Variants in ARRB1 observed in about 807,000 individuals in gnomAD.
ARRB1 encodes the protein arrestin beta 1.
A neutral mutation model predicts 56.8 loss-of-function variants in ARRB1; 21 were observed. The ratio of observed to expected loss-of-function variants is 0.37; its 90% CI spans 0.26 to 0.53. The LOEUF (loss-of-function observed/expected upper bound fraction) is 0.53, where lower values mean the gene tolerates loss of function less well. Ranked by LOEUF, ARRB1 falls within the 20% of genes least tolerant of loss-of-function variation. ARRB1 has a pLI of 0.88. For synonymous variants in ARRB1, 210 were observed against 218.6 expected, an observed-to-expected ratio of 0.96 and a Z score of 0.35; for missense variants, 424 against 553.7, an observed-to-expected ratio of 0.77 and a Z score of 2.35.
In ARRB1 at chr11:75,266,116, G is replaced by C; in HGVS notation, c.*47C>G. The C allele has an allele frequency of 7.0e-7, 1 of 1,422,792 alleles. No individual in the cohort carries two copies. Among genetic ancestry groups the C allele is most frequent in the Non-Finnish European group, 9.9e-7 (1 of 1,006,016 alleles). 88.1% of individuals were successfully genotyped at this position (1,422,792 alleles called of 1,614,324 possible). A position where few individuals can be genotyped will look rare whatever the true frequency, so the allele number is the denominator to read the frequency against. ...AGGAAGAAGACGAGTAAGCATCCGA[G>C]TGCACGAGAGTGGAGCCGGAGCCAC... On this transcript the variant is annotated 3_prime_UTR_variant, in exon 16 of 16. Coordinates refer to ENST00000420843, the MANE Select transcript of ARRB1 (RefSeq NM_004041.5).
chr11:75,315,051 T>TCCA (rs993391371), intron 1 of ARRB1, among the ~76,000 whole-genome samples: 9 of 152,156 alleles, frequency 5.9e-5, no homozygotes, highest in East Asian at 1.9e-4. Flanking sequence ...TAGTGCTGCT[T>TCCA]CCACCACCAC....
intron 1 of ARRB1, among the ~76,000 whole-genome samples, chr11:75,351,229 C>A (rs568790790): frequency 6.6e-6 from 1 of 152,310 alleles, no homozygotes; most frequent in Admixed American, 6.5e-5. Flanking sequence ...CGTGTGCTAG[C>A]GGTTGCCAGT....
chr11:75,333,797 C>A (rs937084153), intron 1 of ARRB1, among the ~76,000 whole-genome samples: 4 of 152,214 alleles, frequency 2.6e-5, no homozygotes, highest in African/African-American at 9.6e-5. Context: ...AAGCCCTCCC[C>A]ACAGCCACCT....
Position 75,268,918 on chromosome 11 carries a change from T to C in ARRB1, c.1064A>G (p.Lys355Arg), listed in dbSNP as rs1471195394. Residue 355 changes from lysine to arginine, a missense_variant, in exon 14 of 16, where the codon AAG becomes AGG. By Grantham distance (26) the Lys-to-Arg change is conservative. Around this residue, in one of 3 missense-constraint regions of ARRB1, gnomAD observed 121 missense variants for 147.3 expected, o/e 0.82. Transcript: ENST00000420843. The part of the protein sequence containing the change: ...VELPFTLMHP[K>R]PKEEPPHREV... Reference sequence around the variant, plus strand: ...CCGATGCGGGGGTTCCTCTTTGGGCTTGGGGTGCATTAGGGTGAAGGGCAG... The same window carrying C: ...CCGATGCGGGGGTTCCTCTTTGGGCCTGGGGTGCATTAGGGTGAAGGGCAG... The C allele has an allele frequency of 6.2e-7, 1 of 1,610,634 alleles. No homozygotes were observed. The highest frequency in any genetic ancestry group is 8.5e-7 in the Non-Finnish European group (1 of 1,179,148).
chr11:75,284,181 C>T (rs532317089), intron 4 of ARRB1, 54 bp downstream of exon 4: 13 of 1,547,690 alleles, frequency 8.4e-6, no homozygotes, highest in South Asian at 3.6e-5. Context: ...GCTAGAGGTC[C>T]GGGGGGAAGA....
chr11:75,267,335 G>A (rs934136840), intron 15 of ARRB1, among the ~76,000 whole-genome samples: 1 of 152,140 alleles, frequency 6.6e-6, no homozygotes, highest in Admixed American at 6.5e-5. Context: ...CAGGAGAGCC[G>A]AGCCCAGGGC....
chr11:75,334,701 T>C (rs958304499), intron 1 of ARRB1, among the ~76,000 whole-genome samples: 25 of 152,232 alleles, frequency 1.6e-4, no homozygotes, highest in African/African-American at 4.1e-4. Context: ...CTAATTTACA[T>C]GGCAAGTGAA....
chr11:75,319,354 C>A (rs1226355938), intron 1 of ARRB1, among the ~76,000 whole-genome samples: 2 of 152,228 alleles, frequency 1.3e-5, no homozygotes, highest in East Asian at 3.9e-4. Context: ...GGGCCAATCA[C>A]TGGTGCCACT....
intron 1 of ARRB1, among the ~76,000 whole-genome samples, chr11:75,323,768 C>T (rs1332021694): frequency 6.6e-6 from 1 of 152,118 alleles, no homozygotes; most frequent in African/African-American, 2.4e-5. Flanking sequence ...GACCTCTGAG[C>T]CACCCAGGGT....
At position 75,283,380 on chromosome 11, in the gene ARRB1, G is replaced by C; in HGVS notation, c.261C>G (p.Phe87Leu). The C allele has an allele frequency of 6.2e-7, 1 of 1,614,170 alleles. No individual in the cohort carries two copies. Among genetic ancestry groups the C allele is most frequent in the Non-Finnish European group, 8.5e-7 (1 of 1,180,008 alleles). The change falls in exon 5 of 16, where the codon TTC (phenylalanine) becomes TTG (leucine). Residue 87 changes from phenylalanine to leucine, a missense_variant. Around this residue, in one of 3 missense-constraint regions of ARRB1, gnomAD observed 301 missense variants for 387.9 expected, o/e 0.78. Coordinates refer to ENST00000420843, the MANE Select transcript of ARRB1 (RefSeq NM_004041.5). The part of the protein sequence containing the change: ...KDLFVANVQS[F>L]PPAPEDKKPL... Reference sequence around the variant, plus strand: ...GCTTCTTGTCCTCGGGGGCCGGTGGGAACGACTGTACGTTGGCCACAAACA... The same window carrying C: ...GCTTCTTGTCCTCGGGGGCCGGTGGCAACGACTGTACGTTGGCCACAAACA...
intron 1 of ARRB1, among the ~76,000 whole-genome samples, chr11:75,320,046 C>T (rs1281806902): frequency 1.3e-5 from 2 of 152,148 alleles, no homozygotes; most frequent in Non-Finnish European, 2.9e-5. Context: ...GACCAAAGTC[C>T]CCCCCAGAGC....
intron 6 of ARRB1, 96 bp from the exon 7 acceptor site, chr11:75,281,238 A>G: frequency 8.4e-7 from 1 of 1,190,310 alleles, no homozygotes; most frequent in South Asian, 1.3e-5. Context: ...AGGACACTGG[A>G]CAGGAACACC....
intron 1 of ARRB1, among the ~76,000 whole-genome samples, chr11:75,298,773 GAA>G (rs113880482): frequency 0.068 from 9,965 of 146,038 alleles, 1,086 homozygotes; most frequent in African/African-American, 0.23. Flanking sequence ...CAAAAAGAGT[GAA>G]AAAAAAAATC....
chr11:75,274,004 G>T, intron 11 of ARRB1, 70 bp downstream of exon 11: 1 of 1,604,498 alleles, frequency 6.2e-7, no homozygotes, highest in Non-Finnish European at 8.5e-7. Flanking sequence ...GAACTGGGGG[G>T]ACCAAGGAGG....
At position 75,283,468 on chromosome 11, in the gene ARRB1, G is replaced by C. The variant is rs1184240068; in HGVS notation, c.173C>G (p.Thr58Ser). ...LKERRVYVTL[T>S]CAFRYGREDL... is the part of the protein sequence containing the mutation. The stretch of plus-strand genomic sequence containing the variant: ...CTCCCGGCCATAGCGGAAGGCGCAG[G>C]TCAGCGTCACATAGACTGTGGGGAG... Residue 58 changes from threonine (T) to serine (S), a missense_variant, in exon 5 of 16, where the codon ACC (threonine) becomes AGC (serine). Around this residue, in one of 3 missense-constraint regions of ARRB1, gnomAD observed 301 missense variants for 387.9 expected, o/e 0.78. Transcript: ENST00000420843. 5 of 1,612,150 alleles carry C rather than the reference G, an allele frequency of 3.1e-6. No individual in the cohort carries two copies. The highest frequency in any genetic ancestry group is 4.2e-6 in the Non-Finnish European group (5 of 1,178,910).
chr11:75,317,290 C>A (rs1003014646), intron 1 of ARRB1, among the ~76,000 whole-genome samples: 1 of 152,076 alleles, frequency 6.6e-6, no homozygotes, highest in Non-Finnish European at 1.5e-5. Context: ...AGCAGCCTCT[C>A]ACCCACCCTT....
intron 1 of ARRB1, among the ~76,000 whole-genome samples, chr11:75,317,822 G>A (rs113466990): frequency 0.011 from 1,627 of 152,314 alleles, 27 homozygotes; most frequent in African/African-American, 0.038. Context: ...GATGAGGACA[G>A]CGAGACTCTG....
At chr11:75,272,119 A>T (rs1285619545) in intron 12 of ARRB1, among the ~76,000 whole-genome samples, 1 of 152,218 alleles carries the variant, frequency 6.6e-6, no homozygotes, top group Admixed American at 6.5e-5. Flanking sequence ...AGGATTTGGG[A>T]TTTGTAATTT....
chr11:75,331,899 T>C (rs1351297224), intron 1 of ARRB1, among the ~76,000 whole-genome samples: 3 of 152,024 alleles, frequency 2.0e-5, no homozygotes, highest in Non-Finnish European at 4.4e-5. Flanking sequence ...CCCGCAGGTA[T>C]ACATCCGGAT....
Sources: gnomAD v4.1 joint callset for allele counts (sites outside exome capture counted in the v4.1 genomes callset) on GRCh38, gnomAD v4.1.1 for gene constraint, gnomAD v4.1.1 regional missense constraint, MANE v1.5 for transcripts, NCBI Gene and HGNC (gene_info 2026-07-23, HGNC 2026-07-21) for gene names.